MAF: variants seen among roughly 807,000 people sequenced by gnomAD.
The protein encoded by MAF is transcription factor Maf.
In MAF, 10 loss-of-function variants were observed where a neutral mutation model predicts 22.0. The ratio of observed to expected loss-of-function variants is 0.45; its 90% CI spans 0.28 to 0.77. The LOEUF (loss-of-function observed/expected upper bound fraction) is 0.77. Among genes scored for constraint, MAF ranks in the 30% least tolerant of loss-of-function variants. The probability of loss-of-function intolerance (pLI) is 0.12; values close to 1 mark genes in which losing one functional copy is unlikely to be tolerated. For missense variants in MAF, 544 were observed against 548.4 expected (o/e 0.99, Z 0.08); for synonymous variants, 337 against 255.8 (o/e 1.32, Z -3.03).
the MAF span, among the ~76,000 whole-genome samples, chr16:79,446,394 C>G: frequency 3.3e-5 from 5 of 152,104 alleles, no homozygotes; most frequent in African/African-American, 1.2e-4. Flanking sequence ...CTCTGTTTGC[C>G]TAGGACAGCC....
At chr16:79,259,986 A>G in the MAF span, among the ~76,000 whole-genome samples, 31,192 of 152,160 alleles carry the variant, frequency 0.2, 4,457 homozygotes, top group African/African-American at 0.4. Context: ...GACACAGCAC[A>G]GTGCATAGTG....
the MAF span, among the ~76,000 whole-genome samples, chr16:79,255,715 C>T: frequency 2.0e-5 from 3 of 152,232 alleles, no homozygotes; most frequent in East Asian, 5.8e-4. Flanking sequence ...CCTGCTTGGC[C>T]ATCAGAGGTG....
At chr16:79,498,937 C>A in the MAF span, among the ~76,000 whole-genome samples, 2 of 152,140 alleles carry the variant, frequency 1.3e-5, no homozygotes, top group African/African-American at 4.8e-5. Flanking sequence ...GTGGGCAAGG[C>A]AGATGTGTAG....
the MAF span, among the ~76,000 whole-genome samples, chr16:79,552,298 C>G: frequency 6.6e-6 from 1 of 152,144 alleles, no homozygotes; most frequent in South Asian, 2.1e-4. Context: ...ACCGAAGCCT[C>G]GAACTCCTGG....
downstream of MAF, among the ~76,000 whole-genome samples, chr16:79,589,631 G>C (rs1414878674): frequency 6.6e-6 from 1 of 152,210 alleles, no homozygotes; most frequent in East Asian, 1.9e-4. Flanking sequence ...CAAGGTGAAG[G>C]GCGGAGCCTT....
the MAF span, among the ~76,000 whole-genome samples, chr16:79,231,780 G>T: frequency 1.4e-4 from 21 of 152,106 alleles, no homozygotes; most frequent in African/African-American, 4.3e-4. Context: ...ATTTAAGCAC[G>T]TTACATTTAC....
At chr16:79,223,399 A>C in the MAF span, among the ~76,000 whole-genome samples, 1 of 152,230 alleles carries the variant, frequency 6.6e-6, no homozygotes, top group Non-Finnish European at 1.5e-5. Flanking sequence ...AAATGCCCAC[A>C]AGAGAAAGCA....
the MAF span, among the ~76,000 whole-genome samples, chr16:79,361,537 G>A: frequency 1.3e-4 from 20 of 152,204 alleles, no homozygotes; most frequent in Admixed American, 1.3e-3. Flanking sequence ...ATCTGGGTGA[G>A]CCATGCTAGC....
the MAF span, among the ~76,000 whole-genome samples, chr16:79,508,222 C>A: frequency 6.6e-6 from 1 of 152,184 alleles, no homozygotes. Context: ...CTCAAATCTG[C>A]CTCACCCAGG....
At chr16:79,320,783 G>T in the MAF span, among the ~76,000 whole-genome samples, 1 of 151,940 alleles carries the variant, frequency 6.6e-6, no homozygotes, top group African/African-American at 2.4e-5. Flanking sequence ...ATAAATAATG[G>T]GTGACGTTTA....
chr16:79,291,173 C>G, the MAF span, among the ~76,000 whole-genome samples: 1 of 152,166 alleles, frequency 6.6e-6, no homozygotes, highest in Non-Finnish European at 1.5e-5. Context: ...TGCTGGTCTG[C>G]TTCAAGCTCT....
At chr16:79,569,204 G>T in the MAF span, among the ~76,000 whole-genome samples, 1 of 152,286 alleles carries the variant, frequency 6.6e-6, no homozygotes, top group East Asian at 1.9e-4. Flanking sequence ...ACGCTTTGTG[G>T]GAGGGTCTTC....
At chr16:79,459,516 C>T in the MAF span, among the ~76,000 whole-genome samples, 26 of 152,062 alleles carry the variant, frequency 1.7e-4, no homozygotes, top group Admixed American at 7.9e-4. Flanking sequence ...TACATTTTAA[C>T]ATCTAGAAGG....
At chr16:79,361,771 A>G in the MAF span, among the ~76,000 whole-genome samples, 3 of 151,924 alleles carry the variant, frequency 2.0e-5, no homozygotes, top group African/African-American at 7.3e-5. Context: ...ACAAGCTGAC[A>G]TTGTTTTGAT....
the MAF span, among the ~76,000 whole-genome samples, chr16:79,360,263 G>A: frequency 6.6e-6 from 1 of 152,106 alleles, no homozygotes; most frequent in Admixed American, 6.6e-5. Context: ...CTCATGTTCT[G>A]CTATCCACCT....
the MAF span, among the ~76,000 whole-genome samples, chr16:79,433,442 TG>T: frequency 6.6e-6 from 1 of 151,902 alleles, no homozygotes; most frequent in Non-Finnish European, 1.5e-5. Context: ...GAATGACATT[TG>T]TAGCTCAACT....
the MAF span, among the ~76,000 whole-genome samples, chr16:79,448,171 T>C: frequency 0.014 from 2,158 of 152,234 alleles, 51 homozygotes; most frequent in African/African-American, 0.049. Context: ...TATCAAATAG[T>C]GCCACATGCC....
the MAF span, among the ~76,000 whole-genome samples, chr16:79,524,224 A>T: frequency 1.3e-5 from 2 of 152,272 alleles, no homozygotes; most frequent in East Asian, 3.9e-4. Context: ...AGAGATCTAA[A>T]CGACTTAACC....
chr16:79,509,129 G>C, the MAF span, among the ~76,000 whole-genome samples: 1 of 152,194 alleles, frequency 6.6e-6, no homozygotes, highest in African/African-American at 2.4e-5. Flanking sequence ...GACACACGTA[G>C]GTTGCACTGC....
Sources: gnomAD v4.1 joint callset for allele counts (sites outside exome capture counted in the v4.1 genomes callset) on GRCh38, gnomAD v4.1.1 for gene constraint, MANE v1.5 for transcripts, NCBI Gene and HGNC (gene_info 2026-07-23, HGNC 2026-07-21) for gene names.